The following CADM2 variants were observed in gnomAD, a reference collection of about 807,000 sequenced individuals.
CADM2 encodes cell adhesion molecule 2.
In CADM2, 12 loss-of-function variants were observed where a neutral mutation model predicts 49.8. That is an observed-to-expected ratio of 0.24 (90% CI 0.15 to 0.39). The LOEUF (loss-of-function observed/expected upper bound fraction) is 0.39. CADM2 is among the 10% of genes least tolerant of loss of function. CADM2 has a pLI of 1.00. For synonymous variants in CADM2, 214 were observed against 175.4 expected (o/e 1.22, Z -1.74); for missense variants, 378 against 492.3 (o/e 0.77, Z 2.20).
intron 1 of CADM2, among the ~76,000 whole-genome samples, chr3:85,264,128 A>G (rs115464251): frequency 0.037 from 5,613 of 152,178 alleles, 145 homozygotes; most frequent in South Asian, 0.081. Context: ...TTATAACCAT[A>G]GTTGGAAGAA....
chr3:85,947,063 T>C (rs1232182485), intron 7 of CADM2, among the ~76,000 whole-genome samples: 1 of 152,088 alleles, frequency 6.6e-6, no homozygotes, highest in African/African-American at 2.4e-5. Context: ...AAATGGCTAA[T>C]ATCCAGAATC....
At chr3:85,809,763 C>CTCT in intron 3 of CADM2, among the ~76,000 whole-genome samples, 1 of 51,928 alleles carries the variant, frequency 1.9e-5, no homozygotes. Context: ...TCCCTCCCTC[C>CTCT]CTCTCTCTCT....
intron 1 of CADM2, among the ~76,000 whole-genome samples, chr3:85,379,741 T>C (rs1276237613): frequency 6.6e-6 from 1 of 152,054 alleles, no homozygotes; most frequent in Non-Finnish European, 1.5e-5. Context: ...TGTTTCCTTT[T>C]TTCATCAACA....
rs528467952 is a variant in CADM2 at position 85,375,101 on chromosome 3, CAT to C, written c.62-351418_62-351417del. On this transcript the variant is annotated intron_variant, in intron 1 of 9. Transcript: ENST00000383699. ...AGATTGCTAAATATGTGATTTAATA[CAT>C]ATTTTCCTATACACTACATAACTAT... Among the ~76,000 whole-genome samples the C allele has an allele frequency of 3.9e-5, 6 of 152,246 alleles. No homozygotes were observed. The South Asian group carries it at 1.2e-3, about 32-fold the overall frequency.
In CADM2 at chr3:85,466,436, T is replaced by A. The variant is rs1224185536; in HGVS notation, c.62-260086T>A. Among the ~76,000 whole-genome samples the A allele has an allele frequency of 2.6e-4, 40 of 152,158 alleles. 1 individual carries two copies. Among genetic ancestry groups the A allele is most frequent in the Admixed American group, 2.6e-3 (40 of 15,274 alleles). On this transcript the variant is annotated intron_variant, in intron 1 of 9. Coordinates refer to ENST00000383699, the MANE Select transcript of CADM2 (RefSeq NM_001167675.2). The stretch of plus-strand genomic sequence containing the variant: ...GAAACTATTTTTAGCAGAAGTTAAA[T>A]GATAAGACACACGCTAAAAACGCTT...
chr3:85,617,981 AT>A, intron 1 of CADM2, among the ~76,000 whole-genome samples: 1 of 152,294 alleles, frequency 6.6e-6, no homozygotes, highest in Non-Finnish European at 1.5e-5. Flanking sequence ...AACTCTGCTC[AT>A]CTCCATTGTG....
At chr3:85,999,266 A>AGGAGG (rs1559791799) in intron 8 of CADM2, among the ~76,000 whole-genome samples, 1 of 104,318 alleles carries the variant, frequency 9.6e-6, no homozygotes, top group African/African-American at 3.4e-5. Context: ...TGGGAGGCCG[A>AGGAGG]GGGTTGGGGG....
chr3:85,770,159 GATA>G (rs2070003571), intron 2 of CADM2, among the ~76,000 whole-genome samples: 1 of 152,108 alleles, frequency 6.6e-6, no homozygotes, highest in African/African-American at 2.4e-5. Flanking sequence ...TTATCTGAAA[GATA>G]ATAAAGTAAA....
At chr3:86,052,855 T>C (rs1330613211) in intron 8 of CADM2, among the ~76,000 whole-genome samples, 1 of 152,162 alleles carries the variant, frequency 6.6e-6, no homozygotes, top group Non-Finnish European at 1.5e-5. Flanking sequence ...ACAAACTTTC[T>C]TTTTCTTTCT....
intron 1 of CADM2, among the ~76,000 whole-genome samples, chr3:85,534,126 A>G (rs1453023372): frequency 1.3e-5 from 2 of 152,172 alleles, no homozygotes; most frequent in African/African-American, 4.8e-5. Flanking sequence ...TTAGGAAAAT[A>G]ATAATTTTTT....
At chr3:85,575,047 G>A (rs1173261744) in intron 1 of CADM2, among the ~76,000 whole-genome samples, 4 of 152,096 alleles carry the variant, frequency 2.6e-5, no homozygotes, top group African/African-American at 9.7e-5. Flanking sequence ...GCATGTAATA[G>A]TTAGTGGCCC....
rs2070287911 is a variant in CADM2 at position 85,774,986 on chromosome 3, A to C, written c.89-27061A>C. Among the ~76,000 whole-genome samples, 4 of 151,778 alleles carry C rather than the reference A, an allele frequency of 2.6e-5. 1 individual carries two copies. Among genetic ancestry groups the C allele is most frequent in the Non-Finnish European group, 5.9e-5 (4 of 67,718 alleles). ...CATGCACACACATAATTTCAGATAG[A>C]TATATATGTGTACTTACATATGCAC... On this transcript the variant is annotated intron_variant, in intron 2 of 9. Coordinates refer to ENST00000383699, the MANE Select transcript of CADM2 (RefSeq NM_001167675.2).
At chr3:85,946,232 G>A (rs1317464616) in intron 7 of CADM2, among the ~76,000 whole-genome samples, 3 of 151,558 alleles carry the variant, frequency 2.0e-5, no homozygotes, top group Non-Finnish European at 4.4e-5. Flanking sequence ...GGGATGTGAA[G>A]GACCTCTTCA....
intron 1 of CADM2, among the ~76,000 whole-genome samples, chr3:85,600,590 T>A (rs2063363035): frequency 6.6e-6 from 1 of 151,842 alleles, no homozygotes; most frequent in African/African-American, 2.4e-5. Context: ...TGATCAGAAG[T>A]AAGGATGCTG....
At chr3:85,934,370 G>A (rs1209330100) in intron 6 of CADM2, among the ~76,000 whole-genome samples, 1 of 151,938 alleles carries the variant, frequency 6.6e-6, no homozygotes, top group African/African-American at 2.4e-5. Context: ...CCATAGATGT[G>A]CTGATAATGG....
chr3:85,737,689 C>G (rs1207012230), intron 2 of CADM2, among the ~76,000 whole-genome samples: 5 of 151,664 alleles, frequency 3.3e-5, no homozygotes, highest in Admixed American at 6.6e-5. Flanking sequence ...TCCCGAGTAG[C>G]TGGGACTACA....
intron 1 of CADM2, among the ~76,000 whole-genome samples, chr3:85,034,115 T>C (rs2035103485): frequency 6.6e-6 from 1 of 152,204 alleles, no homozygotes; most frequent in African/African-American, 2.4e-5. Flanking sequence ...CCTTCCTTTG[T>C]GTTATAAACA....
intron 1 of CADM2, among the ~76,000 whole-genome samples, chr3:85,607,164 T>G (rs565146973): frequency 6.6e-6 from 1 of 152,248 alleles, no homozygotes; most frequent in South Asian, 2.1e-4. Context: ...ATGAAGACAT[T>G]AACATTTGAT....
At chr3:85,460,777 A>T (rs1443602586) in intron 1 of CADM2, among the ~76,000 whole-genome samples, 1 of 151,110 alleles carries the variant, frequency 6.6e-6, no homozygotes, top group East Asian at 2.0e-4. Flanking sequence ...CCAGCCCACC[A>T]CCATTCCCAT....
Sources: allele counts gnomAD v4.1 joint callset (sites outside exome capture counted in the v4.1 genomes callset), GRCh38; gene constraint gnomAD v4.1.1; transcripts MANE v1.5; gene names NCBI Gene and HGNC (gene_info 2026-07-23, HGNC 2026-07-21).